The following RBFOX1 variants were observed in gnomAD, a reference collection of about 807,000 sequenced individuals.
The protein encoded by RBFOX1 is RNA binding protein fox-1 homolog 1.
In RBFOX1, 8 loss-of-function variants were observed where a neutral mutation model predicts 57.7. The observed-to-expected ratio is 0.14, with a 90% CI of 0.08 to 0.25. The LOEUF is 0.25. Ranked by LOEUF, RBFOX1 falls within the 10% of genes least tolerant of loss-of-function variation. The pLI is 1.00. For synonymous variants in RBFOX1, 326 were observed against 222.4 expected (o/e 1.47, Z -4.15); for missense variants, 611 against 548.5 (o/e 1.11, Z -1.14).
intron 4 of RBFOX1, among the ~76,000 whole-genome samples, chr16:7,388,173 G>T (rs1348862203): frequency 6.6e-6 from 1 of 152,036 alleles, no homozygotes; most frequent in Admixed American, 6.6e-5. Flanking sequence ...AGATTGCATG[G>T]AGCTAGAAAA....
chr16:5,357,248 C>T (rs557662121), intron 1 of RBFOX1, among the ~76,000 whole-genome samples: 13 of 152,298 alleles, frequency 8.5e-5, no homozygotes, highest in African/African-American at 3.1e-4. Flanking sequence ...GGGCATTCTC[C>T]TTGGCCATAG....
chr16:6,059,220 T>C (rs6500742), intron 1 of RBFOX1: 83,152 of 151,992 alleles, frequency 0.55, 23,441 homozygotes, highest in Non-Finnish European at 0.62. Context: ...CTTTTGGAAA[T>C]GAAGGTGGCT....
intron 2 of RBFOX1, among the ~76,000 whole-genome samples, chr16:6,439,779 G>C (rs1400206292): frequency 6.6e-6 from 1 of 152,102 alleles, no homozygotes; most frequent in African/African-American, 2.4e-5. Flanking sequence ...CCCTTCCCAA[G>C]CTCTGGCCTT....
At chr16:5,621,952 T>C (rs1256521873) in intron 3 of RBFOX1, among the ~76,000 whole-genome samples, 1 of 152,154 alleles carries the variant, frequency 6.6e-6, no homozygotes, top group Admixed American at 6.6e-5. Context: ...GCCCAGCATC[T>C]CCTGGGAAGA....
At chr16:7,380,948 A>G (rs2097773200) in intron 4 of RBFOX1, among the ~76,000 whole-genome samples, 1 of 152,230 alleles carries the variant, frequency 6.6e-6, no homozygotes, top group South Asian at 2.1e-4. Context: ...AAAGAACAGT[A>G]TTTTGAATCT....
intron 4 of RBFOX1, among the ~76,000 whole-genome samples, chr16:5,902,614 CTATGT>C (rs1170182219): frequency 1.3e-5 from 2 of 152,056 alleles, no homozygotes; most frequent in Admixed American, 6.6e-5. Flanking sequence ...CAGGATTTCA[CTATGT>C]TAGCCAGGCT....
chr16:7,268,805 G>A (rs2095243155), intron 4 of RBFOX1, among the ~76,000 whole-genome samples: 1 of 151,942 alleles, frequency 6.6e-6, no homozygotes, highest in Admixed American at 6.6e-5. Flanking sequence ...AGGCCGAGGT[G>A]GGTGGGGCGG....
intron 3 of RBFOX1, among the ~76,000 whole-genome samples, chr16:6,780,574 A>T (rs1190773072): frequency 2.3e-5 from 3 of 131,878 alleles, no homozygotes; most frequent in Non-Finnish European, 3.1e-5. Context: ...ATATATATTT[A>T]TATATATATT....
chr16:7,312,983 C>T (rs1350022023), intron 4 of RBFOX1, among the ~76,000 whole-genome samples: 2 of 152,082 alleles, frequency 1.3e-5, no homozygotes, highest in Middle Eastern at 3.4e-3. Context: ...CAGGATGGAC[C>T]GGGGAAGCTG....
chr16:5,331,747 A>T (rs1021661376), intron 1 of RBFOX1, among the ~76,000 whole-genome samples: 1 of 152,256 alleles, frequency 6.6e-6, no homozygotes, highest in African/African-American at 2.4e-5. Flanking sequence ...GTAATTCCCC[A>T]TGGGCTCTCA....
intron 4 of RBFOX1, among the ~76,000 whole-genome samples, chr16:7,408,399 C>G (rs1439605613): frequency 2.0e-5 from 3 of 151,986 alleles, no homozygotes; most frequent in Non-Finnish European, 2.9e-5. Context: ...GTAAACCATT[C>G]AAAACTGTCA....
chr16:6,894,308 G>A (rs9923609), intron 3 of RBFOX1, among the ~76,000 whole-genome samples: 107,627 of 152,080 alleles, frequency 0.71, 38,318 homozygotes, highest in East Asian at 0.92. Flanking sequence ...TCTGTTGTGC[G>A]TTTGAAATCC....
At chr16:7,062,852 A>T (rs1405751003) in intron 4 of RBFOX1, among the ~76,000 whole-genome samples, 1 of 132,312 alleles carries the variant, frequency 7.6e-6, no homozygotes, top group South Asian at 2.4e-4. Context: ...TTATCCATCT[A>T]TCCGTCCCTT....
intron 4 of RBFOX1, chr16:7,304,366 G>C (rs985242004): frequency 7.5e-5 from 74 of 985,364 alleles, no homozygotes; most frequent in Non-Finnish European, 8.7e-5. Flanking sequence ...ACTCGGGCTC[G>C]GCGGGCGCCA....
chr16:5,364,481 A>G (rs913140369), intron 1 of RBFOX1, among the ~76,000 whole-genome samples: 3 of 152,210 alleles, frequency 2.0e-5, no homozygotes, highest in African/African-American at 4.8e-5. Flanking sequence ...GCCAAGAGGA[A>G]CTTACTTTCT....
chr16:6,422,637 C>T (rs529391349), intron 2 of RBFOX1, among the ~76,000 whole-genome samples: 1 of 152,092 alleles, frequency 6.6e-6, no homozygotes, highest in Non-Finnish European at 1.5e-5. Flanking sequence ...TAAGGTGACT[C>T]ACATGGCAGG....
At chr16:6,910,880 T>C (rs139864650) in intron 3 of RBFOX1, among the ~76,000 whole-genome samples, 50 of 152,274 alleles carry the variant, frequency 3.3e-4, no homozygotes, top group Admixed American at 8.5e-4. Context: ...TTTATACCTT[T>C]GCCTTCCTTG....
chr16:6,530,243 A>C (rs760002249), intron 2 of RBFOX1, among the ~76,000 whole-genome samples: 1 of 152,036 alleles, frequency 6.6e-6, no homozygotes, highest in Admixed American at 6.6e-5. Flanking sequence ...GGGGGCAGGA[A>C]GAAGCGGCAA....
intron 2 of RBFOX1, among the ~76,000 whole-genome samples, chr16:6,416,063 A>G (rs1037943534): frequency 6.6e-6 from 1 of 152,214 alleles, no homozygotes; most frequent in African/African-American, 2.4e-5. Flanking sequence ...ATATTGGGCC[A>G]TTAGCAAGCG....
Sources: allele counts gnomAD v4.1 joint callset (sites outside exome capture counted in the v4.1 genomes callset), GRCh38; gene constraint gnomAD v4.1.1; transcripts MANE v1.5; gene names NCBI Gene and HGNC (gene_info 2026-07-23, HGNC 2026-07-21).